Variants in DLGAP2 observed in about 807,000 individuals in gnomAD.
DLGAP2 encodes disks large-associated protein 2.
In DLGAP2, 26 loss-of-function variants were observed where a neutral mutation model predicts 100.3. The ratio of observed to expected loss-of-function variants is 0.26; its 90% confidence interval spans 0.19 to 0.36. The LOEUF is 0.36. DLGAP2 is among the 10% of genes least tolerant of loss of function. The probability of loss-of-function intolerance (pLI) is 1.00; values close to 1 mark genes in which losing one functional copy is unlikely to be tolerated. For missense variants in DLGAP2, 1,858 were observed against 1,453.2 expected (o/e 1.28, Z -4.53); for synonymous variants, 886 against 630.1 (o/e 1.41, Z -6.08).
At chr8:1,104,975 G>C (rs546673613) in intron 2 of DLGAP2, 1 of 152,322 alleles carries the variant, frequency 6.6e-6, no homozygotes, top group African/African-American at 2.4e-5. Context: ...AGACGCCCTG[G>C]AGCAGAGGAG....
At chr8:1,380,864 A>G (rs1200746838) in intron 3 of DLGAP2, among the ~76,000 whole-genome samples, 1 of 150,362 alleles carries the variant, frequency 6.7e-6, no homozygotes, top group Non-Finnish European at 1.5e-5. Flanking sequence ...ATAAAGCCAT[A>G]AGAATTGCAA....
intron 3 of DLGAP2, among the ~76,000 whole-genome samples, chr8:1,458,123 G>C (rs1417633555): frequency 6.6e-6 from 1 of 150,634 alleles, no homozygotes; most frequent in Non-Finnish European, 1.5e-5. Context: ...GGCCAGGATG[G>C]TCTTGATCTC....
intron 3 of DLGAP2, among the ~76,000 whole-genome samples, chr8:1,342,331 G>A (rs1340084196): frequency 1.3e-5 from 2 of 152,158 alleles, no homozygotes; most frequent in Non-Finnish European, 2.9e-5. Flanking sequence ...CAGCAATTTA[G>A]TGCATTGCTG....
intron 6 of DLGAP2, among the ~76,000 whole-genome samples, chr8:1,572,889 G>A (rs577888212): frequency 9.2e-5 from 13 of 140,778 alleles, no homozygotes; most frequent in African/African-American, 3.5e-4. Flanking sequence ...GAGATGGAGA[G>A]GAGAGATGGT....
At chr8:948,489 TG>T (rs1446066730) in intron 2 of DLGAP2, among the ~76,000 whole-genome samples, 7 of 152,216 alleles carry the variant, frequency 4.6e-5, no homozygotes, top group African/African-American at 1.7e-4. Flanking sequence ...AGGCGCCTGC[TG>T]GGTGATGGCG....
chr8:810,664 T>C (rs971755398), intron 1 of DLGAP2, among the ~76,000 whole-genome samples: 1 of 152,232 alleles, frequency 6.6e-6, no homozygotes. Context: ...AATTGAGTTT[T>C]CTTGTCCAAT....
chr8:1,227,184 T>A (rs1181692997), intron 2 of DLGAP2, among the ~76,000 whole-genome samples: 2 of 134,292 alleles, frequency 1.5e-5, no homozygotes, highest in East Asian at 4.4e-4. Flanking sequence ...AGTATAGATA[T>A]ATATTATCCA....
At chr8:1,225,649 G>T (rs545546693) in intron 2 of DLGAP2, among the ~76,000 whole-genome samples, 2 of 152,212 alleles carry the variant, frequency 1.3e-5, no homozygotes, top group Admixed American at 6.5e-5. Context: ...AATAAATTTG[G>T]TATCTTAGGT....
At chr8:859,329 C>T (rs1477639130) in intron 1 of DLGAP2, among the ~76,000 whole-genome samples, 1 of 152,160 alleles carries the variant, frequency 6.6e-6, no homozygotes, top group Non-Finnish European at 1.5e-5. Flanking sequence ...CCAGGCTGGT[C>T]TGAAACTCCT....
intron 2 of DLGAP2, among the ~76,000 whole-genome samples, chr8:1,184,460 G>A (rs759856106): frequency 3.9e-5 from 6 of 152,214 alleles, no homozygotes; most frequent in Non-Finnish European, 8.8e-5. Flanking sequence ...GGCAGAAGAG[G>A]CTGAGGCCAT....
chr8:1,640,593 C>T (rs866231909), intron 8 of DLGAP2, among the ~76,000 whole-genome samples: 73 of 152,240 alleles, frequency 4.8e-4, no homozygotes, highest in Middle Eastern at 6.8e-3. Context: ...AATCCTTCAG[C>T]AAAGCTCCAT....
At chr8:1,313,832 T>C (rs1479942545) in intron 3 of DLGAP2, among the ~76,000 whole-genome samples, 1 of 152,162 alleles carries the variant, frequency 6.6e-6, no homozygotes, top group Non-Finnish European at 1.5e-5. Context: ...AAACTGAACC[T>C]TGATAACCAT....
At chr8:1,443,855 C>G (rs1272545214) in intron 3 of DLGAP2, among the ~76,000 whole-genome samples, 2 of 152,134 alleles carry the variant, frequency 1.3e-5, no homozygotes, top group Admixed American at 6.5e-5. Flanking sequence ...CAAACCATGT[C>G]TCATGGCTAA....
chr8:1,342,499 A>G (rs1255950859), intron 3 of DLGAP2, among the ~76,000 whole-genome samples: 2 of 127,406 alleles, frequency 1.6e-5, no homozygotes, highest in African/African-American at 6.1e-5. Context: ...AGGGCCAAGT[A>G]GTTAATAGTT....
At chr8:1,666,059 A>G (rs1400425740) in intron 8 of DLGAP2, among the ~76,000 whole-genome samples, 1 of 152,172 alleles carries the variant, frequency 6.6e-6, no homozygotes, top group African/African-American at 2.4e-5. Flanking sequence ...GCAGTCCCCA[A>G]CGCGTCCCAC....
At chr8:1,613,522 C>T (rs1408897548) in intron 6 of DLGAP2, among the ~76,000 whole-genome samples, 1 of 148,286 alleles carries the variant, frequency 6.7e-6, no homozygotes, top group Non-Finnish European at 1.5e-5. Flanking sequence ...TGCACATGTA[C>T]CCTAAAACTT....
At chr8:1,242,983 C>T (rs1357475123) in intron 2 of DLGAP2, among the ~76,000 whole-genome samples, 3 of 152,168 alleles carry the variant, frequency 2.0e-5, no homozygotes, top group Non-Finnish European at 4.4e-5. Context: ...ACTCAAATAT[C>T]ACCCCAAGCA....
intron 3 of DLGAP2, among the ~76,000 whole-genome samples, chr8:1,437,345 A>C (rs982351029): frequency 6.6e-6 from 1 of 152,270 alleles, no homozygotes. Context: ...TCACACAACC[A>C]CGAGGCCACC....
chr8:1,450,427 T>G (rs1317355527), intron 3 of DLGAP2, among the ~76,000 whole-genome samples: 1 of 138,564 alleles, frequency 7.2e-6, no homozygotes, highest in Non-Finnish European at 1.6e-5. Context: ...GCTGTGAGGG[T>G]GAAGACGAGG....
Sources: allele counts gnomAD v4.1 joint callset (sites outside exome capture counted in the v4.1 genomes callset), GRCh38; gene constraint gnomAD v4.1.1; transcripts MANE v1.5; gene names NCBI Gene and HGNC (gene_info 2026-07-23, HGNC 2026-07-21).